GTF2F2: variants seen among roughly 807,000 people sequenced by gnomAD.
The protein encoded by GTF2F2 is general transcription factor IIF subunit 2.
Under a neutral mutation model 42.2 loss-of-function variants are expected in GTF2F2, and 23 were observed. The observed-to-expected ratio is 0.55, with a 90% CI of 0.39 to 0.77. The LOEUF is 0.77. GTF2F2 is among the 30% of genes least tolerant of loss of function. The pLI, the probability that GTF2F2 is intolerant of heterozygous loss-of-function variation, is 0.00. For missense variants in GTF2F2, 261 were observed against 287.2 expected (o/e 0.91, Z 0.66); for synonymous variants, 105 against 100.8 (o/e 1.04, Z -0.25).
chr13:45,185,172 ATGT>A (rs902586988), intron 4 of GTF2F2, among the ~76,000 whole-genome samples: 8 of 152,164 alleles, frequency 5.3e-5, no homozygotes, highest in Non-Finnish European at 8.8e-5. Flanking sequence ...ATACCTAAAA[ATGT>A]TGTATTCTGT....
intron 5 of GTF2F2, among the ~76,000 whole-genome samples, chr13:45,249,707 A>G (rs555355423): frequency 4.5e-4 from 68 of 152,336 alleles, no homozygotes; most frequent in African/African-American, 1.5e-3. Context: ...TGGATGTCTC[A>G]TAAGATCAAA....
chr13:45,240,101 A>ATT lies in GTF2F2; in HGVS notation c.387-12745_387-12744dup, dbSNP rs34744288. On this transcript the variant is annotated intron_variant, in intron 5 of 7. Coordinates refer to ENST00000340473, the MANE Select transcript of GTF2F2 (RefSeq NM_004128.3). ...TCCAATTTCTGTATTATGTAGAGGG[A>ATT]TTTTTTTTTTTTTTTTTTTTTTTTT... Among the ~76,000 whole-genome samples, 572 of 91,056 alleles carry ATT rather than the reference A, an allele frequency of 6.3e-3. 50 individuals carry two copies. Among genetic ancestry groups the ATT allele is most frequent in the African/African-American group, 0.024 (453 of 18,816 alleles). The allele number at this position is 91,056 out of a possible 152,430, so 59.7% of individuals were successfully genotyped here. A position where few individuals can be genotyped will look rare whatever the true frequency, so the allele number is the denominator to read the frequency against.
At chr13:45,278,125 T>C (rs992993639) in intron 7 of GTF2F2, among the ~76,000 whole-genome samples, 4 of 152,114 alleles carry the variant, frequency 2.6e-5, no homozygotes, top group Admixed American at 1.3e-4. Flanking sequence ...AAAGATGATA[T>C]GAGAAATGGT....
intron 3 of GTF2F2, among the ~76,000 whole-genome samples, chr13:45,151,486 G>A (rs1198206688): frequency 6.6e-6 from 1 of 152,074 alleles, no homozygotes; most frequent in African/African-American, 2.4e-5. Flanking sequence ...AGCCTCCCAA[G>A]TAGCGGGGAT....
intron 1 of GTF2F2, among the ~76,000 whole-genome samples, chr13:45,121,973 C>CA (rs1208700190): frequency 6.6e-6 from 1 of 152,086 alleles, no homozygotes; most frequent in African/African-American, 2.4e-5. Flanking sequence ...GAGATGGTGC[C>CA]ATTGTCCTAG....
chr13:45,138,538 G>A (rs1024308534), intron 2 of GTF2F2, among the ~76,000 whole-genome samples: 2 of 152,178 alleles, frequency 1.3e-5, no homozygotes, highest in African/African-American at 2.4e-5. Context: ...CTTTACTGAT[G>A]TGGAGTCAGC....
intron 4 of GTF2F2, among the ~76,000 whole-genome samples, chr13:45,186,798 A>G (rs1566127764): frequency 1.3e-5 from 2 of 152,276 alleles, no homozygotes; most frequent in South Asian, 2.1e-4. Flanking sequence ...CGAGGCAAAA[A>G]TCAGTGGGTT....
rs748925935 is a variant in GTF2F2 at position 45,151,775 on chromosome 13, T to C, written c.248T>C (p.Phe83Ser). ...ASVSAPREHPFVLQSVGGQTL... is the reference protein window; with the variant it reads ...ASVSAPREHPSVLQSVGGQTL... ...GTCAGTGCTCCTAGAGAACATCCAT[T>C]TGTCTTGCAAAGTGTTGGAGGACAG... is the stretch of plus-strand genomic sequence containing the variant. The change falls in exon 4 of 8, where the codon TTT (phenylalanine) becomes TCT (serine). Residue 83 changes from phenylalanine to serine, a missense_variant. By Grantham distance (155) the Phe-to-Ser change is radical. Coordinates refer to ENST00000340473, the MANE Select transcript of GTF2F2 (RefSeq NM_004128.3). 6.3e-7 allele frequency: 1 copy of C among 1,588,056 alleles called. No homozygotes were observed. Among genetic ancestry groups the C allele is most frequent in the South Asian group, 1.1e-5 (1 of 88,540 alleles).
intron 7 of GTF2F2, among the ~76,000 whole-genome samples, chr13:45,280,317 A>C (rs1237963604): frequency 6.6e-6 from 1 of 152,194 alleles, no homozygotes; most frequent in Admixed American, 6.5e-5. Context: ...TTTTAGACAG[A>C]GGAAGGACAT....
intron 1 of GTF2F2, among the ~76,000 whole-genome samples, chr13:45,135,549 C>T (rs983335575): frequency 6.6e-5 from 10 of 152,202 alleles, no homozygotes; most frequent in Non-Finnish European, 7.4e-5. Flanking sequence ...TGAGCCACCG[C>T]GCCCAGCCCT....
intron 3 of GTF2F2, among the ~76,000 whole-genome samples, chr13:45,149,995 C>G (rs576372915): frequency 3.3e-5 from 5 of 152,126 alleles, no homozygotes; most frequent in Non-Finnish European, 7.4e-5. Flanking sequence ...CTTCTTTGAC[C>G]TACATTTCCC....
chr13:45,234,010 A>G (rs1005234150), intron 5 of GTF2F2, among the ~76,000 whole-genome samples: 4 of 152,228 alleles, frequency 2.6e-5, no homozygotes, highest in Admixed American at 2.6e-4. Flanking sequence ...ATCGTCTCCC[A>G]CTATAAAGAT....
intron 1 of GTF2F2, 126 bp downstream of exon 1, chr13:45,120,847 T>A: frequency 3.0e-6 from 2 of 676,644 alleles, no homozygotes; most frequent in Non-Finnish European, 5.3e-6. Flanking sequence ...GCTTCACACA[T>A]TTTGAGAGGC....
intron 5 of GTF2F2, among the ~76,000 whole-genome samples, chr13:45,218,320 C>T (rs1409505789): frequency 6.6e-6 from 1 of 152,188 alleles, no homozygotes; most frequent in Non-Finnish European, 1.5e-5. Context: ...GCCCATATGG[C>T]ATCTTTGTAC....
intron 4 of GTF2F2, among the ~76,000 whole-genome samples, chr13:45,189,479 C>T (rs1439884478): frequency 6.6e-6 from 1 of 152,238 alleles, no homozygotes; most frequent in African/African-American, 2.4e-5. Flanking sequence ...AATCACCACA[C>T]TGTCTTCCAC....
At chr13:45,197,819 G>A (rs1872976519) in intron 4 of GTF2F2, among the ~76,000 whole-genome samples, 1 of 152,174 alleles carries the variant, frequency 6.6e-6, no homozygotes, top group South Asian at 2.1e-4. Context: ...AGACATCCCT[G>A]GATCATGGGA....
rs571065501 is a variant in GTF2F2 at position 45,131,068 on chromosome 13, C to T, written c.67-5665C>T. Among the ~76,000 whole-genome samples, 3 of 152,180 alleles carry T rather than the reference C, an allele frequency of 2.0e-5. No individual in the cohort carries two copies. The South Asian group carries it at 6.2e-4, about 32-fold the overall frequency. On this transcript the variant is annotated intron_variant, in intron 1 of 7. Coordinates refer to ENST00000340473, the MANE Select transcript of GTF2F2 (RefSeq NM_004128.3). ...AGGAGTTTGAGACCAGCCTGACCAA[C>T]ATGGAGAAACCCCGTCTCTGCTAAA...
chr13:45,120,531 A>G lies in GTF2F2; in HGVS notation c.-125A>G, dbSNP rs761762178. 8 of 677,160 alleles carry G rather than the reference A, an allele frequency of 1.2e-5. No homozygotes were observed. The highest frequency in any genetic ancestry group is 1.0e-4 in the Admixed American group (4 of 39,142). 41.9% of individuals were successfully genotyped at this position (677,160 alleles called of 1,614,324 possible). A position where few individuals can be genotyped will look rare whatever the true frequency, so the allele number is the denominator to read the frequency against. On this transcript the variant is annotated 5_prime_UTR_variant, in exon 1 of 8. Transcript: ENST00000340473. ...TTTCCTCGGTTCCCAGTGTTCTGGC[A>G]GGTAAGGAACGCCGGCTCTTCGCCT...
intron 2 of GTF2F2, among the ~76,000 whole-genome samples, chr13:45,137,512 A>G (rs1245553522): frequency 6.6e-6 from 1 of 152,228 alleles, no homozygotes; most frequent in Non-Finnish European, 1.5e-5. Context: ...TTATTTGCTG[A>G]TAATTCTATG....
Sources: allele counts gnomAD v4.1 joint callset (sites outside exome capture counted in the v4.1 genomes callset), GRCh38; gene constraint gnomAD v4.1.1; transcripts MANE v1.5; gene names NCBI Gene and HGNC (gene_info 2026-07-23, HGNC 2026-07-21).